SDK1: variants seen among roughly 807,000 people sequenced by gnomAD.
SDK1 encodes the protein sidekick cell adhesion molecule 1.
Under a neutral mutation model 245.5 loss-of-function variants are expected in SDK1, and 157 were observed. That is an observed-to-expected ratio of 0.64 (90% CI 0.56 to 0.73). The LOEUF (loss-of-function observed/expected upper bound fraction) is 0.73, where lower values mean the gene tolerates loss of function less well. Ranked by LOEUF, SDK1 falls within the 30% of genes least tolerant of loss-of-function variation. The probability of loss-of-function intolerance (pLI) is 0.00; values close to 1 mark genes in which losing one functional copy is unlikely to be tolerated. For missense variants in SDK1, 3,583 were observed against 3,002.3 expected (o/e 1.19, Z -4.52); for synonymous variants, 1,647 against 1,278.5 (o/e 1.29, Z -6.15).
At chr7:3,723,675 T>TAC in intron 4 of SDK1, among the ~76,000 whole-genome samples, 1 of 151,750 alleles carries the variant, frequency 6.6e-6, no homozygotes, top group African/African-American at 2.4e-5. Flanking sequence ...TGTGTGTGTG[T>TAC]GTGTATACGT....
At chr7:4,201,329 G>T (rs2342817) in intron 35 of SDK1, among the ~76,000 whole-genome samples, 83,161 of 152,054 alleles carry the variant, frequency 0.55, 23,555 homozygotes, top group African/African-American at 0.67. Flanking sequence ...AGCAGATTGC[G>T]AGCAAGATTT....
At chr7:3,457,361 T>G (rs1780702956) in intron 1 of SDK1, among the ~76,000 whole-genome samples, 1 of 152,260 alleles carries the variant, frequency 6.6e-6, no homozygotes, top group Non-Finnish European at 1.5e-5. Context: ...GAAGAAAATT[T>G]AACTTTTTTT....
intron 28 of SDK1, among the ~76,000 whole-genome samples, chr7:4,140,762 C>T (rs935485911): frequency 1.2e-4 from 19 of 152,066 alleles, no homozygotes; most frequent in African/African-American, 4.1e-4. Flanking sequence ...CTATGAAGTG[C>T]CTGGAATATA....
At chr7:3,665,690 G>T (rs1375009150) in intron 4 of SDK1, among the ~76,000 whole-genome samples, 1 of 152,172 alleles carries the variant, frequency 6.6e-6, no homozygotes, top group African/African-American at 2.4e-5. Context: ...AGGACATGTC[G>T]TGCCATTCAT....
intron 1 of SDK1, among the ~76,000 whole-genome samples, chr7:3,546,531 G>C (rs1779231380): frequency 6.6e-6 from 1 of 152,342 alleles, no homozygotes; most frequent in East Asian, 1.9e-4. Context: ...CTCTGTACCA[G>C]GTAGTGGAAA....
rs563978615 is a variant in SDK1, at chr7:3,997,945, T to C, written c.2131+10623T>C. Among the ~76,000 whole-genome samples the C allele has an allele frequency of 2.0e-5, 3 of 152,350 alleles. No homozygotes were observed. The East Asian group carries it at 5.8e-4, about 29-fold the overall frequency. Reference sequence around the variant, plus strand: ...GCAGCCAAGCAGTGAGAGCAGGCACTTCCAAGCCTGCGAGGGCAGGGGGTC... The same window carrying C: ...GCAGCCAAGCAGTGAGAGCAGGCACCTCCAAGCCTGCGAGGGCAGGGGGTC... On this transcript the variant is annotated intron_variant, in intron 14 of 44. Coordinates refer to ENST00000404826, the MANE Select transcript of SDK1 (RefSeq NM_152744.4).
At chr7:3,515,072 C>T (rs546198448) in intron 1 of SDK1, among the ~76,000 whole-genome samples, 1 of 152,098 alleles carries the variant, frequency 6.6e-6, no homozygotes, top group Non-Finnish European at 1.5e-5. Flanking sequence ...CCAAGATATT[C>T]TGCGGGTAGA....
At chr7:3,875,352 T>C (rs932611361) in intron 5 of SDK1, among the ~76,000 whole-genome samples, 4 of 152,250 alleles carry the variant, frequency 2.6e-5, no homozygotes, top group African/African-American at 9.6e-5. Flanking sequence ...ACAAGTTTGC[T>C]GTAGCCAGTT....
chr7:4,231,353 C>T (rs58827363), intron 40 of SDK1, among the ~76,000 whole-genome samples: 1,891 of 150,936 alleles, frequency 0.013, 38 homozygotes, highest in South Asian at 0.082. Context: ...GGCTTGAGCT[C>T]GGCAGTTCGA....
intron 22 of SDK1, among the ~76,000 whole-genome samples, chr7:4,090,359 A>G (rs1396168390): frequency 6.6e-6 from 1 of 152,214 alleles, no homozygotes; most frequent in African/African-American, 2.4e-5. Flanking sequence ...TTAAAAATTC[A>G]ATCATTTCTT....
intron 1 of SDK1, among the ~76,000 whole-genome samples, chr7:3,459,485 T>TCCC (rs1263204781): frequency 6.6e-6 from 1 of 152,218 alleles, no homozygotes; most frequent in Non-Finnish European, 1.5e-5. Flanking sequence ...TTTCTGCTTC[T>TCCC]CCTTCCTTAA....
chr7:3,644,799 A>AAAAAAC (rs1554301833), intron 4 of SDK1, among the ~76,000 whole-genome samples: 1 of 148,164 alleles, frequency 6.7e-6, no homozygotes, highest in Non-Finnish European at 1.5e-5. Context: ...AAAACAAAAA[A>AAAAAAC]CAACAACAAC....
intron 30 of SDK1, among the ~76,000 whole-genome samples, chr7:4,153,950 G>A (rs6948220): frequency 0.12 from 17,489 of 152,014 alleles, 1,740 homozygotes; most frequent in African/African-American, 0.27. Context: ...CACAGTACTG[G>A]GATTACAGGC....
chr7:3,326,216 C>T lies in SDK1; in HGVS notation c.298+24332C>T, dbSNP rs117044151. On this transcript the variant is annotated intron_variant, in intron 1 of 44. Transcript: ENST00000404826. Reference sequence around the variant, plus strand: ...AGAAATCCTTTTCCCTCGAGATAACCGTTGTGAACATTTTGGTGAACATGT... The same window carrying T: ...AGAAATCCTTTTCCCTCGAGATAACTGTTGTGAACATTTTGGTGAACATGT... 1.8e-3 allele frequency among the ~76,000 whole-genome samples: 281 copies of T among 152,030 alleles called. 3 individuals carry two copies. The East Asian group carries it at 0.043, about 23-fold the overall frequency.
At chr7:3,626,927 AT>A (rs3086087) in intron 2 of SDK1, among the ~76,000 whole-genome samples, 37,285 of 147,684 alleles carry the variant, frequency 0.25, 5,461 homozygotes, top group Non-Finnish European at 0.34. Flanking sequence ...AGGTTCAACA[AT>A]TTTTTTTTTT....
At chr7:3,587,584 C>T (rs961454529) in intron 1 of SDK1, among the ~76,000 whole-genome samples, 6 of 152,182 alleles carry the variant, frequency 3.9e-5, no homozygotes, top group East Asian at 1.9e-4. Flanking sequence ...AACTTTCCTC[C>T]GCTTTTTCAG....
chr7:4,206,092 C>T (rs978848368), intron 36 of SDK1, 98 bp downstream of exon 36: 53 of 783,406 alleles, frequency 6.8e-5, no homozygotes, highest in Middle Eastern at 2.4e-4. Flanking sequence ...ACCCCGCAGG[C>T]GCTCCACCTG....
At chr7:3,627,194 G>A (rs1782148558) in intron 2 of SDK1, among the ~76,000 whole-genome samples, 1 of 152,164 alleles carries the variant, frequency 6.6e-6, no homozygotes. Flanking sequence ...CTCCCCAAGT[G>A]CTGAGATTAC....
At chr7:3,979,290 C>T (rs963350836) in intron 13 of SDK1, among the ~76,000 whole-genome samples, 2 of 152,192 alleles carry the variant, frequency 1.3e-5, no homozygotes, top group African/African-American at 4.8e-5. Context: ...GCTCTAAGTC[C>T]TAGCTCTTCG....
Sources: allele counts gnomAD v4.1 joint callset (sites outside exome capture counted in the v4.1 genomes callset), GRCh38; gene constraint gnomAD v4.1.1; transcripts MANE v1.5; gene names NCBI Gene and HGNC (gene_info 2026-07-23, HGNC 2026-07-21).